ARID1B: variants seen among roughly 807,000 people sequenced by gnomAD.
ARID1B encodes AT-rich interactive domain-containing protein 1B.
ARID1B carries 30 observed loss-of-function variants against 212.3 expected under a neutral mutation model. That is an observed-to-expected ratio of 0.14 (90% CI 0.11 to 0.19). The LOEUF is 0.19. Among genes scored for constraint, ARID1B ranks in the 10% least tolerant of loss-of-function variants. The pLI is 1.00. For synonymous variants in ARID1B, 1,402 were observed against 1,301.7 expected (o/e 1.08, Z -1.66); for missense variants, 2,891 against 3,204.0 (o/e 0.90, Z 2.36).
At chr6:157,082,295 C>A (rs1346358807) in intron 4 of ARID1B, among the ~76,000 whole-genome samples, 1 of 152,120 alleles carries the variant, frequency 6.6e-6, no homozygotes, top group African/African-American at 2.4e-5. Context: ...TTCTTTAAAT[C>A]AGGGGTCAGC....
At chr6:157,146,721 G>A (rs111380733) in intron 7 of ARID1B, among the ~76,000 whole-genome samples, 1,678 of 152,234 alleles carry the variant, frequency 0.011, 24 homozygotes, top group African/African-American at 0.038. Flanking sequence ...TTAGCTTTAC[G>A]TCACCTGTGC....
rs1794554355 is a variant in ARID1B, at chr6:157,207,459, T to C, written c.6687T>C (p.Ser2229=). The change falls in exon 20 of 20, where the codon AGT becomes AGC. Residue 2229 remains serine, a synonymous_variant. Coordinates refer to ENST00000636930, the MANE Select transcript of ARID1B (RefSeq NM_001374828.1). The surrounding 1 kb of genome is among the most constrained non-coding windows in gnomAD (Gnocchi z 8.5). ...TGATCTTGGCCACTCCTCCATTTAG[T>C]CGTCAGGAGAAATTCTATGCTACAT... ...VDLILATPPF[S]RQEKFYATLV... 1 of 1,614,054 alleles carries C rather than the reference T, an allele frequency of 6.2e-7. No individual in the cohort carries two copies. Among genetic ancestry groups the C allele is most frequent in the Middle Eastern group, 1.6e-4 (1 of 6,062 alleles).
chr6:157,125,976 G>A (rs1490382063), intron 6 of ARID1B, among the ~76,000 whole-genome samples: 3 of 152,156 alleles, frequency 2.0e-5, no homozygotes, highest in Admixed American at 6.5e-5. Context: ...TCGAGGGCAA[G>A]GATCACATCT....
At chr6:156,893,963 A>G (rs375702602) in intron 2 of ARID1B, among the ~76,000 whole-genome samples, 27 of 152,200 alleles carry the variant, frequency 1.8e-4, no homozygotes, top group African/African-American at 6.3e-4. Context: ...CGTAAAAGCA[A>G]CAATTCGACC....
At chr6:157,085,870 C>A (rs1341238809) in intron 5 of ARID1B, among the ~76,000 whole-genome samples, 1 of 152,144 alleles carries the variant, frequency 6.6e-6, no homozygotes, top group African/African-American at 2.4e-5. Flanking sequence ...ATTGTATCTA[C>A]CTGTATATTT....
At chr6:156,875,390 T>G (rs1389413797) in intron 2 of ARID1B, among the ~76,000 whole-genome samples, 1 of 152,254 alleles carries the variant, frequency 6.6e-6, no homozygotes, top group African/African-American at 2.4e-5. Context: ...TATATTTTCT[T>G]CCTTAAAAAT....
At chr6:156,776,638 A>T (rs1027312374), upstream of ARID1B, 10 of 152,264 alleles carry the variant, frequency 6.6e-5, no homozygotes, top group Non-Finnish European at 1.3e-4. Context: ...ATCCAAGTGC[A>T]TGTAAGAAAA....
chr6:156,777,980 G>T lies in ARID1B; in HGVS notation c.300G>T (p.Lys100Asn). 6.5e-7 allele frequency: 1 copy of T among 1,531,290 alleles called. No homozygotes were observed. The highest frequency in any genetic ancestry group is 1.2e-5 in the South Asian group (1 of 83,690). 94.9% of individuals were successfully genotyped at this position (1,531,290 alleles called of 1,614,324 possible). A position where few individuals can be genotyped will look rare whatever the true frequency, so the allele number is the denominator to read the frequency against. The change falls in exon 1 of 20, where the codon AAG (lysine) becomes AAT (asparagine). Residue 100 changes from lysine (K) to asparagine (N), a missense_variant. Around this residue, in one of 7 missense-constraint regions of ARID1B, gnomAD observed 1,643 missense variants for 1,544.0 expected, o/e 1.06. Coordinates refer to ENST00000636930, the MANE Select transcript of ARID1B (RefSeq NM_001374828.1). Reference protein sequence around the residue: ...AAAAAGTHSAKSGGSEAALKE... With the variant: ...AAAAAGTHSANSGGSEAALKE... Reference sequence around the variant, plus strand: ...CCGCCGCCGGCACCCACAGCGCCAAGAGCGGCGGCTCCGAGGCGGCTCTCA... The same window carrying T: ...CCGCCGCCGGCACCCACAGCGCCAATAGCGGCGGCTCCGAGGCGGCTCTCA...
Position 157,203,702 on chromosome 6 carries a change from A to C in ARID1B, c.5264-164A>C. ...GTTTCTCGTTACAGCTATGGCCTCCATTTAAAATCGGAAATGATCACGCTT... is the reference window on the plus strand; with the variant it reads ...GTTTCTCGTTACAGCTATGGCCTCCCTTTAAAATCGGAAATGATCACGCTT... On this transcript the variant is annotated intron_variant, in intron 18 of 19. Coordinates refer to ENST00000636930, the MANE Select transcript of ARID1B (RefSeq NM_001374828.1). This position sits in a 1 kb window ranked among gnomAD's most constrained non-coding sequence, Gnocchi z 4.4. 1 of 901,284 alleles carries C rather than the reference A, an allele frequency of 1.1e-6. No homozygotes were observed. Among genetic ancestry groups the C allele is most frequent in the Non-Finnish European group, 1.7e-6 (1 of 584,776 alleles). The allele number at this position is 901,284 out of a possible 1,614,324, so 55.8% of individuals were successfully genotyped here.
intron 3 of ARID1B, among the ~76,000 whole-genome samples, chr6:156,907,347 C>G (rs12181748): frequency 1.3e-5 from 2 of 152,020 alleles, no homozygotes; most frequent in African/African-American, 4.8e-5. Context: ...TTTTTTGAAT[C>G]TATTGAGATG....
chr6:156,963,840 G>C (rs1313204097), intron 4 of ARID1B, among the ~76,000 whole-genome samples: 2 of 152,204 alleles, frequency 1.3e-5, no homozygotes, highest in African/African-American at 2.4e-5. Flanking sequence ...TTATGAGGTA[G>C]CAGTCCGAGA....
At chr6:156,995,240 T>G (rs2128414980) in intron 4 of ARID1B, among the ~76,000 whole-genome samples, 1 of 152,366 alleles carries the variant, frequency 6.6e-6, no homozygotes, top group South Asian at 2.1e-4. Context: ...TTTCATTTTC[T>G]TTTCTTATTC....
Position 156,778,348 on chromosome 6 carries a change from T to TGGGCGGCGC in ARID1B, c.677_685dup (p.Ala226_Gly228dup), listed in dbSNP as rs1444106814. On this transcript the variant is annotated inframe_insertion, in exon 1 of 20. Coordinates refer to ENST00000636930, the MANE Select transcript of ARID1B (RefSeq NM_001374828.1). The stretch of plus-strand genomic sequence containing the variant: ...CATCCCATTTCCAACAACAACAGCT[T>TGGGCGGCGC]GGGCGGCGCGGGCGGCGGCGCGCCT... The TGGGCGGCGC allele has an allele frequency of 3.9e-6, 6 of 1,539,074 alleles. No homozygotes were observed. The highest frequency in any genetic ancestry group is 2.8e-5 in the African/African-American group (2 of 72,262).
rs1254524132 is a variant in ARID1B, at chr6:157,184,299, G to A, written c.3783G>A (p.Ala1261=). 6.8e-6 allele frequency: 11 copies of A among 1,614,136 alleles called. No homozygotes were observed. Among genetic ancestry groups the A allele is most frequent in the African/African-American group, 2.7e-5 (2 of 75,016 alleles). The stretch of plus-strand genomic sequence containing the variant: ...ACGTTGGCACCTCAAGCAGTGCAGC[G>A]AGCTCCCTGAAAAAGCAGTATATTC... The part of the protein sequence containing the change: ...NLNVGTSSSA[A]SSLKKQYIQY... The change falls in exon 13 of 20, where the codon GCG becomes GCA. Residue 1261 remains alanine (A), a synonymous_variant. Transcript: ENST00000636930.
At chr6:156,861,503 C>A (rs552462161) in intron 2 of ARID1B, among the ~76,000 whole-genome samples, 1 of 151,852 alleles carries the variant, frequency 6.6e-6, no homozygotes, top group Admixed American at 6.6e-5. Context: ...CTCAGCTACT[C>A]GGGAGGCTGA....
intron 4 of ARID1B, among the ~76,000 whole-genome samples, chr6:157,056,202 T>A (rs759113596): frequency 2.0e-5 from 3 of 152,190 alleles, no homozygotes; most frequent in Non-Finnish European, 4.4e-5. Context: ...CTGGGAGTTT[T>A]AGGAACCATC....
intron 1 of ARID1B, 39 bp from the exon 2 acceptor site, chr6:156,829,187 AG>A: frequency 6.5e-7 from 1 of 1,540,192 alleles, no homozygotes. Context: ...TTTGTAATAA[AG>A]AATGAATTAA....
At chr6:157,044,289 A>G (rs964132305) in intron 4 of ARID1B, among the ~76,000 whole-genome samples, 1 of 152,208 alleles carries the variant, frequency 6.6e-6, no homozygotes, top group African/African-American at 2.4e-5. Flanking sequence ...AAAATAAGGT[A>G]TTTTCAACTG....
intron 4 of ARID1B, among the ~76,000 whole-genome samples, chr6:157,053,190 A>G (rs1782719528): frequency 2.0e-5 from 3 of 150,468 alleles, no homozygotes; most frequent in East Asian, 4.0e-4. Flanking sequence ...GGCTCCAGCA[A>G]TTCTCGTGCC....
Sources: allele counts gnomAD v4.1 joint callset (sites outside exome capture counted in the v4.1 genomes callset), GRCh38; gene constraint gnomAD v4.1.1; regional missense constraint gnomAD v4.1.1; non-coding constraint Gnocchi (gnomAD v3.1); transcripts MANE v1.5; gene names NCBI Gene and HGNC (gene_info 2026-07-23, HGNC 2026-07-21).